PTPRT: variants seen among roughly 807,000 people sequenced by gnomAD.
PTPRT encodes protein tyrosine phosphatase receptor type T.
In PTPRT, 56 loss-of-function variants were observed where a neutral mutation model predicts 176.8. The observed-to-expected ratio is 0.32, with a 90% CI of 0.26 to 0.40. PTPRT has a LOEUF of 0.40. Among genes scored for constraint, PTPRT ranks in the 10% least tolerant of loss-of-function variants. The probability of loss-of-function intolerance (pLI) is 1.00; values close to 1 mark genes in which losing one functional copy is unlikely to be tolerated. For missense variants in PTPRT, 1,540 were observed against 1,908.2 expected (o/e 0.81, Z 3.60); for synonymous variants, 783 against 739.0 (o/e 1.06, Z -0.96).
intron 15 of PTPRT, among the ~76,000 whole-genome samples, chr20:42,219,491 C>A (rs1053749632): frequency 6.6e-6 from 1 of 152,194 alleles, no homozygotes; most frequent in Non-Finnish European, 1.5e-5. Flanking sequence ...CACCACTTCC[C>A]TTTCAACCTG....
intron 2 of PTPRT, among the ~76,000 whole-genome samples, chr20:42,810,684 T>A (rs879717156): frequency 2.6e-5 from 4 of 152,228 alleles, no homozygotes; most frequent in Admixed American, 6.5e-5. Flanking sequence ...GATTTAGGAT[T>A]CCTACAATAC....
the PTPRT span, among the ~76,000 whole-genome samples, chr20:42,054,918 C>G: frequency 2.0e-5 from 3 of 152,188 alleles, no homozygotes; most frequent in Admixed American, 2.0e-4. Context: ...CCCGCCTCCT[C>G]TGACCCCCTA....
chr20:43,106,820 C>T (rs1021928503), intron 1 of PTPRT, among the ~76,000 whole-genome samples: 1 of 151,826 alleles, frequency 6.6e-6, no homozygotes, highest in East Asian at 1.9e-4. Flanking sequence ...AACGGAGTTT[C>T]GCTCTTGTTG....
chr20:42,418,384 C>G lies in PTPRT; in HGVS notation c.1560+29836G>C, dbSNP rs1327342072. Among the ~76,000 whole-genome samples, 4 of 152,132 alleles carry G rather than the reference C, an allele frequency of 2.6e-5. No individual in the cohort carries two copies. In the South Asian group the frequency reaches 8.3e-4, roughly 32 times the overall value. ...AATGACAGAACTGAGAATGATGAGT[C>G]TAGCTTAGACTCTGGCTCAGGGCTC... On this transcript the variant is annotated intron_variant, in intron 9 of 30. Coordinates refer to ENST00000373187, the MANE Select transcript of PTPRT (RefSeq NM_007050.6).
At chr20:42,979,161 A>AT (rs891796593) in intron 1 of PTPRT, among the ~76,000 whole-genome samples, 5 of 151,898 alleles carry the variant, frequency 3.3e-5, no homozygotes, top group Admixed American at 6.6e-5. Context: ...AGGAAAGCTA[A>AT]TTTTTTTTCA....
At chr20:42,653,601 C>T (rs2075070729) in intron 7 of PTPRT, among the ~76,000 whole-genome samples, 1 of 152,216 alleles carries the variant, frequency 6.6e-6, no homozygotes, top group African/African-American at 2.4e-5. Flanking sequence ...TTGTGGAATT[C>T]TCCCTGACAG....
intron 16 of PTPRT, among the ~76,000 whole-genome samples, chr20:42,194,157 C>T (rs1173118389): frequency 6.6e-6 from 1 of 152,190 alleles, no homozygotes; most frequent in Non-Finnish European, 1.5e-5. Flanking sequence ...ACAAGTAGAA[C>T]CATGTATTAT....
chr20:42,613,466 G>C (rs999987803), intron 7 of PTPRT, among the ~76,000 whole-genome samples: 2 of 152,226 alleles, frequency 1.3e-5, no homozygotes, highest in African/African-American at 4.8e-5. Flanking sequence ...ACACAGCTTA[G>C]GTAACTTGAA....
At chr20:42,782,260 CCT>C (rs11468442) in intron 3 of PTPRT, among the ~76,000 whole-genome samples, 13,432 of 152,088 alleles carry the variant, frequency 0.088, 636 homozygotes, top group South Asian at 0.2. Context: ...AACGTGGGCC[CCT>C]GTTAGTCATC....
At chr20:42,125,752 T>C (rs182635762) in intron 19 of PTPRT, among the ~76,000 whole-genome samples, 15 of 152,348 alleles carry the variant, frequency 9.8e-5, no homozygotes, top group African/African-American at 1.2e-4. Context: ...TACCAAAGTG[T>C]ATCTTGGCCC....
chr20:42,803,243 G>A (rs1038955005), intron 2 of PTPRT, among the ~76,000 whole-genome samples: 11 of 152,236 alleles, frequency 7.2e-5, no homozygotes, highest in Admixed American at 6.5e-5. Flanking sequence ...ATACATCAAC[G>A]TCATGGGGAA....
chr20:43,111,781 A>G (rs182499650), intron 1 of PTPRT, among the ~76,000 whole-genome samples: 1 of 152,340 alleles, frequency 6.6e-6, no homozygotes, highest in Non-Finnish European at 1.5e-5. Flanking sequence ...GTGACTCAAA[A>G]TTAATCACCT....
intron 1 of PTPRT, among the ~76,000 whole-genome samples, chr20:43,129,192 G>A (rs2013558827): frequency 6.6e-6 from 1 of 152,160 alleles, no homozygotes; most frequent in Non-Finnish European, 1.5e-5. Flanking sequence ...AGAGGCCGAG[G>A]TATAAATGGC....
intron 1 of PTPRT, among the ~76,000 whole-genome samples, chr20:43,056,375 G>C (rs796810845): frequency 6.6e-5 from 10 of 152,320 alleles, no homozygotes; most frequent in African/African-American, 2.4e-4. Flanking sequence ...TGAAAGTGCT[G>C]TATGATGCCA....
chr20:42,270,528 A>C, intron 13 of PTPRT: 1 of 1,354,584 alleles, frequency 7.4e-7, no homozygotes, highest in Non-Finnish European at 1.0e-6. Context: ...GAAAACGTGC[A>C]GCACGGTGAA....
chr20:42,649,920 G>C lies in PTPRT; in HGVS notation c.1153+27946C>G, dbSNP rs866572252. 7.9e-5 allele frequency among the ~76,000 whole-genome samples: 12 copies of C among 152,218 alleles called. No individual in the cohort carries two copies. In the Middle Eastern group the frequency reaches 0.017, roughly 216 times the overall value. ...CTCAGGTCTATGTTATCCAGGCAAG[G>C]GGAAGACAAGGAGGGCAGTAAGAGC... is the stretch of plus-strand genomic sequence containing the variant. On this transcript the variant is annotated intron_variant, in intron 7 of 30. Transcript: ENST00000373187.
At chr20:42,240,794 C>T (rs78165670) in intron 14 of PTPRT, among the ~76,000 whole-genome samples, 2,930 of 152,234 alleles carry the variant, frequency 0.019, 88 homozygotes, top group African/African-American at 0.067. Context: ...TTCTCAAAGG[C>T]CTACTATATC....
chr20:42,075,731 G>C lies in PTPRT; in HGVS notation c.*5148C>G, dbSNP rs760841440. Reference sequence around the variant, plus strand: ...ACTGATACCTCTATGTACTCTAAGGGGTTCCCACCAGCGACGAGGAAATGT... The same window carrying C: ...ACTGATACCTCTATGTACTCTAAGGCGTTCCCACCAGCGACGAGGAAATGT... On this transcript the variant is annotated 3_prime_UTR_variant, in exon 31 of 31. Coordinates refer to ENST00000373187, the MANE Select transcript of PTPRT (RefSeq NM_007050.6). 18 of 206,734 alleles carry C rather than the reference G, an allele frequency of 8.7e-5. No individual in the cohort carries two copies. The highest frequency in any genetic ancestry group is 1.3e-4 in the Non-Finnish European group (13 of 101,342). The allele number at this position is 206,734 out of a possible 1,614,324, so 12.8% of individuals were successfully genotyped here. A position where few individuals can be genotyped will look rare whatever the true frequency, so the allele number is the denominator to read the frequency against.
At chr20:42,470,413 C>A (rs2071172663) in intron 8 of PTPRT, among the ~76,000 whole-genome samples, 1 of 152,254 alleles carries the variant, frequency 6.6e-6, no homozygotes, top group South Asian at 2.1e-4. Flanking sequence ...GGCTTTCTCC[C>A]CTTCCTTGTC....
Sources: gnomAD v4.1 joint callset for allele counts (sites outside exome capture counted in the v4.1 genomes callset) on GRCh38, gnomAD v4.1.1 for gene constraint, MANE v1.5 for transcripts, NCBI Gene and HGNC (gene_info 2026-07-23, HGNC 2026-07-21) for gene names.